TBCK: variants seen among roughly 807,000 people sequenced by gnomAD.
TBCK encodes the protein TBC domain-containing protein kinase-like protein.
TBCK carries 99 observed loss-of-function variants against 113.4 expected under a neutral mutation model. That is an observed-to-expected ratio of 0.87 (90% CI 0.74 to 1.03). TBCK has a LOEUF of 1.03. TBCK is among the 50% of genes least tolerant of loss of function. TBCK has a pLI of 0.00. For synonymous variants in TBCK, 369 were observed against 370.8 expected, an observed-to-expected ratio of 1.00 and a Z score of 0.05; for missense variants, 1,045 against 1,061.3, an observed-to-expected ratio of 0.98 and a Z score of 0.21.
chr4:106,043,486 T>G lies in TBCK; in HGVS notation c.*3084A>C, dbSNP rs1733975462. ...TATTAATTGAGCATATCCAATGTGG[T>G]GGGTTGCTGAAGGTAGCAAGAGGTA... On this transcript the variant is annotated 3_prime_UTR_variant, in exon 26 of 26. Coordinates refer to ENST00000394708, the MANE Select transcript of TBCK (RefSeq NM_001163435.3). 1 of 152,188 alleles carries G rather than the reference T, an allele frequency of 6.6e-6. No homozygotes were observed. The highest frequency in any genetic ancestry group is 1.5e-5 in the Non-Finnish European group (1 of 68,030). The allele number at this position is 152,188 out of a possible 1,614,324, so 9.4% of individuals were successfully genotyped here.
intron 3 of TBCK, among the ~76,000 whole-genome samples, chr4:106,273,982 C>T (rs1465349928): frequency 1.3e-5 from 2 of 152,192 alleles, no homozygotes; most frequent in African/African-American, 4.8e-5. Context: ...TTTCAAGTGT[C>T]ACCTCATCAG....
Position 106,276,086 on chromosome 4 carries a change from A to C in TBCK, c.267-13874T>G, listed in dbSNP as rs192126945. Among the ~76,000 whole-genome samples, 369 of 152,292 alleles carry C rather than the reference A, an allele frequency of 2.4e-3. 3 individuals carry two copies. The highest frequency in any genetic ancestry group is 0.014 in the Middle Eastern group (4 of 294). ...GAACAGAAAAATAGAGCAATGAAAT[A>C]ATACAAAAAGCTCAGACACAGATCT... On this transcript the variant is annotated intron_variant, in intron 3 of 25. Transcript: ENST00000394708.
At chr4:106,121,499 G>C (rs1441448770) in intron 23 of TBCK, among the ~76,000 whole-genome samples, 3 of 150,250 alleles carry the variant, frequency 2.0e-5, no homozygotes, top group South Asian at 2.2e-4. Context: ...CCCAGGAATT[G>C]AACTCAGCTC....
At chr4:106,212,640 G>T in intron 20 of TBCK, 110 bp downstream of exon 20, 1 of 672,888 alleles carries the variant, frequency 1.5e-6, no homozygotes, top group South Asian at 2.4e-5. Context: ...GCAGTAACTT[G>T]TTCAGATATG....
intron 13 of TBCK, 61 bp downstream of exon 13, chr4:106,236,698 C>A: frequency 9.4e-7 from 1 of 1,064,566 alleles, no homozygotes; most frequent in Non-Finnish European, 1.3e-6. Context: ...GTATAAAATT[C>A]TTATAAATCT....
At chr4:106,064,664 ATAT>A (rs2149466090) in intron 25 of TBCK, among the ~76,000 whole-genome samples, 1 of 152,098 alleles carries the variant, frequency 6.6e-6, no homozygotes. Context: ...TAATCACAAA[ATAT>A]TATCTAGATA....
rs1402807498 is a variant in TBCK, at chr4:106,095,581, T to G, written c.2472A>C (p.Ala824=). The G allele has an allele frequency of 1.5e-5, 24 of 1,613,922 alleles. No individual in the cohort carries two copies. Among genetic ancestry groups the G allele is most frequent in the Non-Finnish European group, 2.0e-5 (24 of 1,179,934 alleles). The change falls in exon 25 of 26, where the codon GCA becomes GCC. Residue 824 remains alanine, a synonymous_variant. Coordinates refer to ENST00000394708, the MANE Select transcript of TBCK (RefSeq NM_001163435.3). ...AAGGGCCCTGGGTAAGCTCCCCTTC[T>G]GCAGTGAAGGCAGCACTGAATGGAA... The part of the protein sequence containing the change: ...INIPFSAAFT[A]EGELTQGPYT...
At chr4:106,089,214 G>A (rs1014375208) in intron 25 of TBCK, among the ~76,000 whole-genome samples, 2 of 152,132 alleles carry the variant, frequency 1.3e-5, no homozygotes, top group Middle Eastern at 3.4e-3. Context: ...AGAGAGAGGA[G>A]GTGGAGCCAG....
intron 2 of TBCK, among the ~76,000 whole-genome samples, chr4:106,307,210 T>C (rs575631663): frequency 4.7e-4 from 71 of 152,324 alleles, no homozygotes; most frequent in African/African-American, 1.6e-3. Context: ...CCATTTTTCC[T>C]TAATTTCCTT....
intron 20 of TBCK, among the ~76,000 whole-genome samples, chr4:106,197,749 G>A (rs749615216): frequency 6.6e-6 from 1 of 151,878 alleles, no homozygotes; most frequent in Non-Finnish European, 1.5e-5. Flanking sequence ...CACACTCATG[G>A]TCACCCCCAA....
At chr4:106,311,876 T>A (rs1561009081) in intron 1 of TBCK, among the ~76,000 whole-genome samples, 1 of 152,054 alleles carries the variant, frequency 6.6e-6, no homozygotes, top group East Asian at 1.9e-4. Context: ...GATATTCATA[T>A]AAAAAAATAA....
intron 6 of TBCK, 29 bp downstream of exon 6, chr4:106,251,834 CTTT>C (rs1364906633): frequency 1.4e-6 from 2 of 1,444,278 alleles, no homozygotes; most frequent in Non-Finnish European, 1.8e-6. Flanking sequence ...GCACAATTTC[CTTT>C]TATTATATTA....
rs146880217 is a variant in TBCK, at chr4:106,080,904, C to T, written c.2571+14578G>A. ...CAAAAGAAGAAATTCACACAGCCAA[C>T]GAACGTAAGGAAGAAAGCTCAACAT... On this transcript the variant is annotated intron_variant, in intron 25 of 25. Transcript: ENST00000394708. Among the ~76,000 whole-genome samples, 14 of 152,138 alleles carry T rather than the reference C, an allele frequency of 9.2e-5. No homozygotes were observed. In the East Asian group the frequency reaches 1.2e-3, roughly 13 times the overall value.
chr4:106,196,384 C>T (rs898300884), intron 20 of TBCK, among the ~76,000 whole-genome samples: 2 of 151,842 alleles, frequency 1.3e-5, no homozygotes, highest in African/African-American at 4.8e-5. Flanking sequence ...TGAGTTAATA[C>T]AGGCTGCTAT....
Position 106,247,249 on chromosome 4 carries a change from C to T in TBCK, c.821G>A (p.Ser274Asn), listed in dbSNP as rs1170131117. ...PDQLMKDKVF[S>N]EVSPLYTPFT... is the part of the protein sequence containing the mutation. ...GGGGGTATATAAAGGTGATACCTCA[C>T]TGAATACTTTGTCCTTCATTAATTG... is the stretch of plus-strand genomic sequence containing the variant. The change falls in exon 10 of 26, where the codon AGT becomes AAT. Residue 274 changes from serine to asparagine, a missense_variant. Transcript: ENST00000394708. 1.2e-6 allele frequency: 2 copies of T among 1,612,206 alleles called. No homozygotes were observed. The highest frequency in any genetic ancestry group is 2.2e-5 in the East Asian group (1 of 44,818).
chr4:106,045,677 TCCTC>T lies in TBCK; in HGVS notation c.*889_*892del. ...GCTTCTTTTCCTTTCTTTTCTTCTT[TCCTC>T]CCTCCTTCTTTTGTTCCTTCTTTTC... is the stretch of plus-strand genomic sequence containing the variant. On this transcript the variant is annotated 3_prime_UTR_variant, in exon 26 of 26. Coordinates refer to ENST00000394708, the MANE Select transcript of TBCK (RefSeq NM_001163435.3). The T allele has an allele frequency of 6.6e-6, 1 of 152,386 alleles. No individual in the cohort carries two copies. The highest frequency in any genetic ancestry group is 1.9e-4 in the East Asian group (1 of 5,182). The allele number at this position is 152,386 out of a possible 1,614,324, so 9.4% of individuals were successfully genotyped here.
chr4:106,214,849 C>T (rs886391158), intron 19 of TBCK, among the ~76,000 whole-genome samples: 22 of 151,944 alleles, frequency 1.4e-4, no homozygotes, highest in African/African-American at 5.1e-4. Flanking sequence ...CGTTCAGATT[C>T]AGGAAATACA....
chr4:106,173,944 T>C (rs755335051), intron 22 of TBCK, among the ~76,000 whole-genome samples: 15 of 152,150 alleles, frequency 9.9e-5, no homozygotes, highest in Non-Finnish European at 1.9e-4. Context: ...TAAAGCTCCA[T>C]GAGGTATTTT....
At chr4:106,258,908 T>G (rs1762249092) in intron 5 of TBCK, among the ~76,000 whole-genome samples, 1 of 151,902 alleles carries the variant, frequency 6.6e-6, no homozygotes, top group South Asian at 2.1e-4. Context: ...AGACTGTCTT[T>G]GCAAAATACC....
Sources: allele counts gnomAD v4.1 joint callset (sites outside exome capture counted in the v4.1 genomes callset), GRCh38; gene constraint gnomAD v4.1.1; transcripts MANE v1.5; gene names NCBI Gene and HGNC (gene_info 2026-07-23, HGNC 2026-07-21).